KLHL1: variants seen among roughly 807,000 people sequenced by gnomAD.
KLHL1 encodes kelch-like protein 1.
A neutral mutation model predicts 77.7 loss-of-function variants in KLHL1; 47 were observed. The ratio of observed to expected loss-of-function variants is 0.60; its 90% CI spans 0.48 to 0.77. The LOEUF (loss-of-function observed/expected upper bound fraction) is 0.77, where lower values mean the gene tolerates loss of function less well. KLHL1 is among the 30% of genes least tolerant of loss of function. The probability of loss-of-function intolerance (pLI) is 0.00; values close to 1 mark genes in which losing one functional copy is unlikely to be tolerated. For missense variants in KLHL1, 925 were observed against 910.8 expected, an observed-to-expected ratio of 1.02 and a Z score of -0.20; for synonymous variants, 360 against 325.2, an observed-to-expected ratio of 1.11 and a Z score of -1.15.
At chr13:69,837,117 A>G (rs1372120360) in intron 6 of KLHL1, among the ~76,000 whole-genome samples, 1 of 151,906 alleles carries the variant, frequency 6.6e-6, no homozygotes, top group Non-Finnish European at 1.5e-5. Context: ...TAACTTGGTA[A>G]TATTATAAAT....
chr13:70,004,222 T>A (rs1030210467), intron 1 of KLHL1, among the ~76,000 whole-genome samples: 2 of 151,792 alleles, frequency 1.3e-5, no homozygotes, highest in African/African-American at 4.8e-5. Flanking sequence ...AGAGCCAAAG[T>A]TGAGGATGGG....
chr13:69,731,249 T>C (rs1873532216), intron 8 of KLHL1, among the ~76,000 whole-genome samples: 3 of 152,144 alleles, frequency 2.0e-5, no homozygotes, highest in African/African-American at 7.2e-5. Context: ...AAATTGTATT[T>C]GAGAGGAGTG....
At chr13:69,797,858 C>T (rs12584126) in intron 6 of KLHL1, among the ~76,000 whole-genome samples, 32,494 of 150,220 alleles carry the variant, frequency 0.22, 3,929 homozygotes, top group South Asian at 0.33. Flanking sequence ...TGGGGAATAG[C>T]TTAATAGAAT....
intron 1 of KLHL1, among the ~76,000 whole-genome samples, chr13:70,062,750 G>A (rs1203151367): frequency 6.6e-6 from 1 of 151,928 alleles, no homozygotes; most frequent in Non-Finnish European, 1.5e-5. Flanking sequence ...ACTTGTCTCT[G>A]TGGACAAGCA....
At chr13:69,913,028 A>T (rs917974912) in intron 4 of KLHL1, among the ~76,000 whole-genome samples, 1 of 152,196 alleles carries the variant, frequency 6.6e-6, no homozygotes, top group Non-Finnish European at 1.5e-5. Context: ...GGCTTCTGAC[A>T]TCACCATCTA....
intron 4 of KLHL1, among the ~76,000 whole-genome samples, chr13:69,916,277 A>G (rs1436285056): frequency 1.3e-5 from 2 of 152,174 alleles, no homozygotes; most frequent in Non-Finnish European, 2.9e-5. Flanking sequence ...GCTGCTATAA[A>G]GACACATGCA....
chr13:70,093,554 TTGAAA>T (rs1435402678), intron 1 of KLHL1, among the ~76,000 whole-genome samples: 3 of 152,184 alleles, frequency 2.0e-5, no homozygotes, highest in African/African-American at 7.2e-5. Context: ...TCTTGATGTC[TTGAAA>T]TATCTTCCTA....
intron 6 of KLHL1, among the ~76,000 whole-genome samples, chr13:69,827,063 A>C (rs1205309384): frequency 1.3e-5 from 2 of 151,222 alleles, no homozygotes; most frequent in South Asian, 2.1e-4. Flanking sequence ...TGTGGGCTGA[A>C]TTTTAATGTA....
chr13:70,009,547 C>G (rs9572333), intron 1 of KLHL1, among the ~76,000 whole-genome samples: 30,998 of 151,966 alleles, frequency 0.2, 3,288 homozygotes, highest in Middle Eastern at 0.26. Context: ...ATTCTACTAC[C>G]TTCCAGCGAT....
chr13:70,077,635 G>T (rs1222722561), intron 1 of KLHL1, among the ~76,000 whole-genome samples: 2 of 151,970 alleles, frequency 1.3e-5, no homozygotes, highest in Non-Finnish European at 2.9e-5. Context: ...TGTAATAAGT[G>T]TACTATATCA....
At chr13:69,771,276 C>CAAAAA (rs59252203) in intron 7 of KLHL1, among the ~76,000 whole-genome samples, 1,549 of 127,972 alleles carry the variant, frequency 0.012, 24 homozygotes, top group African/African-American at 0.041. Context: ...TAGCAACTTT[C>CAAAAA]AAAAAAAAAA....
chr13:70,069,987 T>C (rs1887102324), intron 1 of KLHL1, among the ~76,000 whole-genome samples: 1 of 151,684 alleles, frequency 6.6e-6, no homozygotes. Flanking sequence ...GCTAACACGG[T>C]GAAACCCCGT....
intron 1 of KLHL1, among the ~76,000 whole-genome samples, chr13:70,049,707 G>C (rs976564792): frequency 1.3e-5 from 2 of 152,018 alleles, no homozygotes; most frequent in Non-Finnish European, 2.9e-5. Flanking sequence ...TAAAAAGAAA[G>C]GGCATTTTGG....
chr13:69,779,835 C>T (rs557924591), intron 7 of KLHL1, among the ~76,000 whole-genome samples: 38 of 151,884 alleles, frequency 2.5e-4, no homozygotes, highest in Middle Eastern at 3.4e-3. Flanking sequence ...TTTTTTGAGA[C>T]GGAGTCTTGC....
chr13:70,022,698 G>A (rs1885836051), intron 1 of KLHL1, among the ~76,000 whole-genome samples: 2 of 151,950 alleles, frequency 1.3e-5, no homozygotes, highest in South Asian at 4.1e-4. Context: ...GCTACACGGT[G>A]AGGTTGGATG....
intron 5 of KLHL1, among the ~76,000 whole-genome samples, chr13:69,871,060 C>A (rs879861377): frequency 1.3e-5 from 2 of 152,096 alleles, no homozygotes; most frequent in Non-Finnish European, 2.9e-5. Context: ...TGCCTAGACT[C>A]CCAGGCTTTC....
intron 1 of KLHL1, among the ~76,000 whole-genome samples, chr13:70,064,587 C>T (rs7985061): frequency 0.33 from 50,129 of 152,062 alleles, 9,006 homozygotes; most frequent in African/African-American, 0.48. Flanking sequence ...TTCCATTTTT[C>T]ATTAATATTC....
intron 3 of KLHL1, among the ~76,000 whole-genome samples, chr13:69,945,958 A>G (rs60722059): frequency 0.13 from 19,494 of 152,206 alleles, 1,942 homozygotes; most frequent in East Asian, 0.29. Flanking sequence ...AAACAAAATT[A>G]GAGTATGCTT....
intron 7 of KLHL1, among the ~76,000 whole-genome samples, chr13:69,743,072 G>A (rs1874051502): frequency 6.6e-6 from 1 of 152,168 alleles, no homozygotes; most frequent in Non-Finnish European, 1.5e-5. Flanking sequence ...GTAGACTTTA[G>A]AATACGTTGT....
Sources: allele counts gnomAD v4.1 joint callset (sites outside exome capture counted in the v4.1 genomes callset), GRCh38; gene constraint gnomAD v4.1.1; transcripts MANE v1.5; gene names NCBI Gene and HGNC (gene_info 2026-07-23, HGNC 2026-07-21).